The following MAPK8 variants were observed in gnomAD, a reference collection of about 807,000 sequenced individuals.
MAPK8 encodes JUN N-terminal kinase.
A neutral mutation model predicts 52.9 loss-of-function variants in MAPK8; 13 were observed. That is an observed-to-expected ratio of 0.25 (90% CI 0.16 to 0.39). The LOEUF (loss-of-function observed/expected upper bound fraction) is 0.39, where lower values mean the gene tolerates loss of function less well. Among genes scored for constraint, MAPK8 ranks in the 10% least tolerant of loss-of-function variants. The probability of loss-of-function intolerance (pLI) is 1.00; values close to 1 mark genes in which losing one functional copy is unlikely to be tolerated. For synonymous variants in MAPK8, 191 were observed against 169.8 expected, an observed-to-expected ratio of 1.12 and a Z score of -0.97; for missense variants, 300 against 519.2, an observed-to-expected ratio of 0.58 and a Z score of 4.10.
In MAPK8 at chr10:48,369,782, C is replaced by T. The variant is rs147659876; in HGVS notation, c.-49-31830C>T. ...TGTTTTTAGAAACCCAAGAAAAGTG[C>T]TTCAGGCAGGAGAATGTGGTGAAAG... On this transcript the variant is annotated intron_variant, in intron 1 of 11. Coordinates refer to ENST00000374189, the MANE Select transcript of MAPK8 (RefSeq NM_001323329.2). Among the ~76,000 whole-genome samples the T allele has an allele frequency of 6.8e-3, 1,038 of 152,152 alleles. 14 individuals are homozygous for T. The highest frequency in any genetic ancestry group is 0.024 in the African/African-American group (979 of 41,530).
chr10:48,425,224 GT>G (rs1307436385), intron 7 of MAPK8: 1 of 760,186 alleles, frequency 1.3e-6, no homozygotes, highest in Non-Finnish European at 2.5e-6. Context: ...CAATAAGTGA[GT>G]TTTAGGCCTT....
rs118074767 is a variant in MAPK8, at chr10:48,405,094, T to C, written c.252+113T>C. 5.4e-3 allele frequency: 2,246 copies of C among 417,708 alleles called. 13 individuals are homozygous for C. Among genetic ancestry groups the C allele is most frequent in the Non-Finnish European group, 7.5e-3 (1,827 of 242,246 alleles). 25.9% of individuals were successfully genotyped at this position (417,708 alleles called of 1,614,324 possible). On this transcript the variant is annotated intron_variant, in intron 3 of 11. Coordinates refer to ENST00000374189, the MANE Select transcript of MAPK8 (RefSeq NM_001323329.2). Reference sequence around the variant, plus strand: ...CTTTAAATTGTTCTGTATTAAAACATTGTTTAAAAGGGATATATATATATA... The same window carrying C: ...CTTTAAATTGTTCTGTATTAAAACACTGTTTAAAAGGGATATATATATATA...
intron 6 of MAPK8, among the ~76,000 whole-genome samples, chr10:48,422,516 C>G (rs2043426570): frequency 6.6e-6 from 1 of 152,202 alleles, no homozygotes; most frequent in South Asian, 2.1e-4. Context: ...ATAATATCTT[C>G]TCTCATGCTT....
At chr10:48,315,926 ATC>A in intron 1 of MAPK8, among the ~76,000 whole-genome samples, 1 of 152,286 alleles carries the variant, frequency 6.6e-6, no homozygotes, top group African/African-American at 2.4e-5. Flanking sequence ...GAGCCAAAAT[ATC>A]TGTTTATCTG....
In MAPK8 at chr10:48,349,270, G is replaced by A. The variant is rs181787812; in HGVS notation, c.-50+42449G>A. On this transcript the variant is annotated intron_variant, in intron 1 of 11. Coordinates refer to ENST00000374189, the MANE Select transcript of MAPK8 (RefSeq NM_001323329.2). ...AGTTGAACTCAGCTCTGGACCAAGC[G>A]GACCTAATAGACATCGATAGAACTC... Among the ~76,000 whole-genome samples, 1,077 of 152,128 alleles carry A rather than the reference G, an allele frequency of 7.1e-3. 5 individuals are homozygous for A. Among genetic ancestry groups the A allele is most frequent in the Non-Finnish European group, 0.01 (700 of 67,984 alleles).
At chr10:48,398,915 A>T (rs1350998658) in intron 1 of MAPK8, among the ~76,000 whole-genome samples, 1 of 152,206 alleles carries the variant, frequency 6.6e-6, no homozygotes, top group East Asian at 1.9e-4. Flanking sequence ...GTTTTATATC[A>T]TGATTTTCCT....
intron 1 of MAPK8, among the ~76,000 whole-genome samples, chr10:48,356,534 ACTGAATTT>A (rs1419616676): frequency 6.6e-6 from 1 of 152,110 alleles, no homozygotes; most frequent in Non-Finnish European, 1.5e-5. Context: ...TGAGTGGCCT[ACTGAATTT>A]TTAAAATCCA....
intron 5 of MAPK8, 41 bp downstream of exon 5, chr10:48,410,209 T>C (rs762823104): frequency 1.4e-6 from 2 of 1,444,454 alleles, no homozygotes; most frequent in Non-Finnish European, 1.8e-6. Context: ...TGTTTTCTCA[T>C]TGAGGTGAAA....
intron 1 of MAPK8, among the ~76,000 whole-genome samples, chr10:48,373,763 A>G (rs927248126): frequency 1.1e-3 from 169 of 152,056 alleles, no homozygotes; most frequent in African/African-American, 3.9e-3. Context: ...GCAAGTTCTT[A>G]AAGACCTAGA....
chr10:48,349,756 G>T (rs1453184606), intron 1 of MAPK8, among the ~76,000 whole-genome samples: 2 of 152,018 alleles, frequency 1.3e-5, no homozygotes, highest in African/African-American at 4.8e-5. Flanking sequence ...CAGAAGACAA[G>T]AAATAACTAA....
At chr10:48,360,962 CTT>C (rs376578689) in intron 1 of MAPK8, among the ~76,000 whole-genome samples, 3 of 151,880 alleles carry the variant, frequency 2.0e-5, no homozygotes, top group Non-Finnish European at 4.4e-5. Context: ...ACAGAATACA[CTT>C]TGTTATGTAA....
At position 48,404,892 on chromosome 10, in the gene MAPK8, A is replaced by G; in HGVS notation, c.163A>G (p.Lys55Glu). Residue 55 changes from lysine (K) to glutamate (E), a missense_variant, in exon 3 of 12, where the codon AAG becomes GAG. Transcript: ENST00000374189. ...DAILERNVAIKKLSRPFQNQT... is the reference protein window; with the variant it reads ...DAILERNVAIEKLSRPFQNQT... The stretch of plus-strand genomic sequence containing the variant: ...CATTCTTGAAAGAAATGTTGCAATC[A>G]AGAAGCTAAGCCGACCATTTCAGAA... The G allele has an allele frequency of 6.2e-7, 1 of 1,610,148 alleles. No individual in the cohort carries two copies. Among genetic ancestry groups the G allele is most frequent in the Non-Finnish European group, 8.5e-7 (1 of 1,177,556 alleles).
chr10:48,342,843 C>T (rs1398225125), intron 1 of MAPK8, among the ~76,000 whole-genome samples: 2 of 152,132 alleles, frequency 1.3e-5, no homozygotes, highest in African/African-American at 4.8e-5. Flanking sequence ...AGTTTGAAAT[C>T]AGAGGAGAGA....
intron 5 of MAPK8, among the ~76,000 whole-genome samples, chr10:48,416,956 C>T (rs955253021): frequency 2.0e-5 from 3 of 152,034 alleles, no homozygotes. Context: ...AGATTGGGGC[C>T]CAAGGGTCAT....
chr10:48,359,307 T>C (rs993899028), intron 1 of MAPK8, among the ~76,000 whole-genome samples: 15 of 152,324 alleles, frequency 9.8e-5, no homozygotes, highest in Middle Eastern at 3.4e-3. Context: ...TTTTTTAAAT[T>C]AATTTATCTC....
At chr10:48,335,248 T>C (rs1173692905) in intron 1 of MAPK8, among the ~76,000 whole-genome samples, 1 of 152,166 alleles carries the variant, frequency 6.6e-6, no homozygotes, top group Non-Finnish European at 1.5e-5. Context: ...TTCTAGTTAA[T>C]CATGCAGTGG....
chr10:48,424,150 G>T lies in MAPK8; in HGVS notation c.679G>T (p.Gly227Ter). ...GGTTTGCCACAAAATCCTCTTTCCA[G>T]GAAGGGACTGTATCCTTGTGCTGCT... Reference protein sequence around the residue: ...EMVCHKILFPGRDYIDQWNKV... With the variant: ...EMVCHKILFP The change falls in exon 7 of 12, where the codon GGA (glycine) becomes TGA (stop). Residue 227 changes from glycine to a stop codon, truncating the protein, a stop_gained. Coordinates refer to ENST00000374189, the MANE Select transcript of MAPK8 (RefSeq NM_001323329.2). LOFTEE classifies it high-confidence loss of function. 6.2e-7 allele frequency: 1 copy of T among 1,613,302 alleles called. No individual in the cohort carries two copies. Among genetic ancestry groups the T allele is most frequent in the Non-Finnish European group, 8.5e-7 (1 of 1,179,362 alleles).
intron 1 of MAPK8, among the ~76,000 whole-genome samples, chr10:48,399,859 C>T (rs561686485): frequency 1.3e-5 from 2 of 152,310 alleles, no homozygotes; most frequent in African/African-American, 4.8e-5. Flanking sequence ...GTTTAACCTT[C>T]CCAAAGGTGA....
chr10:48,345,782 G>T (rs534253770), intron 1 of MAPK8, among the ~76,000 whole-genome samples: 1 of 152,276 alleles, frequency 6.6e-6, no homozygotes, highest in Non-Finnish European at 1.5e-5. Flanking sequence ...TTTCAGAATG[G>T]TGCAGAAAAG....
Sources: gnomAD v4.1 joint callset for allele counts (sites outside exome capture counted in the v4.1 genomes callset) on GRCh38, gnomAD v4.1.1 for gene constraint, MANE v1.5 for transcripts, NCBI Gene and HGNC (gene_info 2026-07-23, HGNC 2026-07-21) for gene names.